EXT1: variants seen among roughly 807,000 people sequenced by gnomAD.
The protein encoded by EXT1 is exostosin glycosyltransferase 1.
Under a neutral mutation model 82.5 loss-of-function variants are expected in EXT1, and 20 were observed. That is an observed-to-expected ratio of 0.24 (90% confidence interval 0.17 to 0.35). EXT1 has a LOEUF of 0.35. Among genes scored for constraint, EXT1 ranks in the 10% least tolerant of loss-of-function variants. The pLI, the probability that EXT1 is intolerant of heterozygous loss-of-function variation, is 1.00. For synonymous variants in EXT1, 348 were observed against 350.8 expected, an observed-to-expected ratio of 0.99 and a Z score of 0.09; for missense variants, 757 against 936.5, an observed-to-expected ratio of 0.81 and a Z score of 2.50.
intron 1 of EXT1, among the ~76,000 whole-genome samples, chr8:118,026,553 A>T (rs912000064): frequency 1.3e-5 from 2 of 152,152 alleles, no homozygotes; most frequent in Non-Finnish European, 2.9e-5. Flanking sequence ...ATTCATCATC[A>T]ACATCTGGGG....
At chr8:117,873,662 G>A (rs1438834119) in intron 1 of EXT1, among the ~76,000 whole-genome samples, 2 of 152,036 alleles carry the variant, frequency 1.3e-5, no homozygotes, top group East Asian at 3.9e-4. Context: ...TGCCATGTTG[G>A]CCAGTCTGGT....
intron 1 of EXT1, among the ~76,000 whole-genome samples, chr8:117,950,640 T>C (rs1814474403): frequency 6.6e-6 from 1 of 152,212 alleles, no homozygotes; most frequent in Admixed American, 6.5e-5. Context: ...CCTTTAGGGC[T>C]TACCCTGATA....
intron 1 of EXT1, among the ~76,000 whole-genome samples, chr8:118,030,378 A>T (rs1816287355): frequency 6.6e-6 from 1 of 152,256 alleles, no homozygotes; most frequent in African/African-American, 2.4e-5. Context: ...TGCGTACACC[A>T]TATAAATAGT....
chr8:117,972,221 A>G (rs1029693994), intron 1 of EXT1, among the ~76,000 whole-genome samples: 1 of 151,966 alleles, frequency 6.6e-6, no homozygotes, highest in Admixed American at 6.6e-5. Context: ...TTGGGACCAG[A>G]ATAGGCTTCA....
intron 1 of EXT1, among the ~76,000 whole-genome samples, chr8:117,907,856 A>C (rs1813571991): frequency 6.6e-6 from 1 of 152,232 alleles, no homozygotes; most frequent in Admixed American, 6.5e-5. Flanking sequence ...GCCTGTGAGC[A>C]AGTTCAGGTA....
At chr8:118,055,395 T>C (rs1272998594) in intron 1 of EXT1, among the ~76,000 whole-genome samples, 1 of 152,270 alleles carries the variant, frequency 6.6e-6, no homozygotes, top group Non-Finnish European at 1.5e-5. Flanking sequence ...CTGATGGGCA[T>C]CTGCGTTGTT....
At chr8:117,857,079 T>C (rs1294992776) in intron 1 of EXT1, among the ~76,000 whole-genome samples, 3 of 152,252 alleles carry the variant, frequency 2.0e-5, no homozygotes, top group Non-Finnish European at 4.4e-5. Context: ...GTTTACAGCA[T>C]GGTTAACTGA....
intron 1 of EXT1, among the ~76,000 whole-genome samples, chr8:118,022,856 A>T (rs1816133886): frequency 6.6e-6 from 1 of 152,216 alleles, no homozygotes; most frequent in Non-Finnish European, 1.5e-5. Context: ...TGCCTGGGGA[A>T]GGCAGTAAAA....
At chr8:118,063,042 T>C (rs1038713056) in intron 1 of EXT1, among the ~76,000 whole-genome samples, 5 of 152,170 alleles carry the variant, frequency 3.3e-5, no homozygotes, top group African/African-American at 4.8e-5. Context: ...AAAGAAAACA[T>C]TAAATACAAA....
Position 118,032,509 on chromosome 8 carries a change from T to A in EXT1, c.962+77576A>T, listed in dbSNP as rs1302571351. Among the ~76,000 whole-genome samples the A allele has an allele frequency of 3.2e-5, 4 of 125,798 alleles. No individual in the cohort carries two copies. The South Asian group carries it at 7.6e-4, about 24-fold the overall frequency. 82.5% of individuals were successfully genotyped at this position (125,798 alleles called of 152,430 possible). A position where few individuals can be genotyped will look rare whatever the true frequency, so the allele number is the denominator to read the frequency against. On this transcript the variant is annotated intron_variant, in intron 1 of 10. Transcript: ENST00000378204. The stretch of plus-strand genomic sequence containing the variant: ...AGTGTCTTTCACAGAGGGTAACAAC[T>A]TTTTTTTTTTTTTTTTTTGAGACAG...
intron 1 of EXT1, among the ~76,000 whole-genome samples, chr8:118,031,386 G>A (rs766330482): frequency 4.6e-5 from 7 of 151,958 alleles, no homozygotes; most frequent in Non-Finnish European, 7.4e-5. Flanking sequence ...TTAGCCAGGC[G>A]TGGTGGCCCG....
chr8:118,038,482 A>G (rs1816466918), intron 1 of EXT1, among the ~76,000 whole-genome samples: 2 of 152,200 alleles, frequency 1.3e-5, no homozygotes, highest in Admixed American at 6.5e-5. Context: ...CCTCTCTGCT[A>G]GCTGACTAAT....
At chr8:117,816,371 A>G (rs1341170845) in intron 7 of EXT1, among the ~76,000 whole-genome samples, 2 of 152,206 alleles carry the variant, frequency 1.3e-5, no homozygotes, top group Non-Finnish European at 2.9e-5. Flanking sequence ...TAAGCACCTG[A>G]TATGGAATGG....
At chr8:117,955,034 T>C (rs2129703566) in intron 1 of EXT1, among the ~76,000 whole-genome samples, 1 of 152,292 alleles carries the variant, frequency 6.6e-6, no homozygotes. Context: ...AATCGTTTGC[T>C]AGAAGGGGTC....
At chr8:117,954,788 T>G (rs574806535) in intron 1 of EXT1, among the ~76,000 whole-genome samples, 1 of 152,110 alleles carries the variant, frequency 6.6e-6, no homozygotes, top group East Asian at 1.9e-4. Flanking sequence ...AACTTATGGG[T>G]TTCTTCCCCT....
Position 117,837,214 on chromosome 8 carries a change from G to C in EXT1, c.963-13C>G. On this transcript the variant is annotated splice_polypyrimidine_tract_variant and intron_variant, in intron 1 of 10. Transcript: ENST00000378204. ...CCGATAATCATACCTAGAAAGAGAA[G>C]AGGAGTAAACAGCAAATGAAGACTC... 6.2e-7 allele frequency: 1 copy of C among 1,605,570 alleles called. No individual in the cohort carries two copies.
chr8:118,073,099 A>C (rs1817126471), intron 1 of EXT1, among the ~76,000 whole-genome samples: 1 of 152,218 alleles, frequency 6.6e-6, no homozygotes, highest in African/African-American at 2.4e-5. Context: ...TTCAGTATCG[A>C]AATATGTAAA....
In EXT1 at chr8:118,082,745, C is replaced by T. The variant is rs187452466; in HGVS notation, c.962+27340G>A. On this transcript the variant is annotated intron_variant, in intron 1 of 10. Coordinates refer to ENST00000378204, the MANE Select transcript of EXT1 (RefSeq NM_000127.3). ...CTATAATTATATAGTGAGCTGAACA[C>T]GTTTTCTTTTAATTCCATTTCAAAT... 2.2e-4 allele frequency among the ~76,000 whole-genome samples: 34 copies of T among 152,296 alleles called. 1 individual carries two copies. The highest frequency in any genetic ancestry group is 1.8e-3 in the Admixed American group (27 of 15,292).
intron 1 of EXT1, among the ~76,000 whole-genome samples, chr8:117,898,153 A>C: frequency 6.6e-6 from 1 of 152,182 alleles, no homozygotes; most frequent in East Asian, 1.9e-4. Flanking sequence ...CCATGGACCC[A>C]CCTCAAAATC....
Sources: allele counts gnomAD v4.1 joint callset (sites outside exome capture counted in the v4.1 genomes callset), GRCh38; gene constraint gnomAD v4.1.1; transcripts MANE v1.5; gene names NCBI Gene and HGNC (gene_info 2026-07-23, HGNC 2026-07-21).